TTC23L: variants seen among roughly 807,000 people sequenced by gnomAD.
TTC23L encodes the protein tetratricopeptide repeat protein 23-like.
TTC23L carries 42 observed loss-of-function variants against 48.1 expected under a neutral mutation model. The ratio of observed to expected loss-of-function variants is 0.87; its 90% CI spans 0.68 to 1.13. TTC23L has a LOEUF of 1.13. Among genes scored for constraint, TTC23L ranks in the 50% most tolerant of loss-of-function variants. The pLI is 0.00. For synonymous variants in TTC23L, 159 were observed against 157.2 expected (o/e 1.01, Z -0.09); for missense variants, 391 against 421.0 (o/e 0.93, Z 0.62).
chr5:34,854,702 C>G (rs900515860), intron 4 of TTC23L, among the ~76,000 whole-genome samples: 9 of 152,180 alleles, frequency 5.9e-5, no homozygotes, highest in Admixed American at 1.3e-4. Context: ...TGAGCCTTTT[C>G]CAGCAGCCAA....
chr5:34,873,548 G>A (rs1458222621), intron 8 of TTC23L, among the ~76,000 whole-genome samples: 1 of 152,104 alleles, frequency 6.6e-6, no homozygotes, highest in African/African-American at 2.4e-5. Flanking sequence ...TATGATGAAA[G>A]GGATAAAAAC....
intron 7 of TTC23L, 134 bp downstream of exon 7, chr5:34,867,203 C>T (rs777562328): frequency 2.6e-5 from 24 of 924,174 alleles, no homozygotes; most frequent in Middle Eastern, 5.9e-4. Context: ...GACTTTCCTC[C>T]AGATCCACCT....
At chr5:34,857,048 T>C (rs931907406) in intron 4 of TTC23L, among the ~76,000 whole-genome samples, 2 of 152,176 alleles carry the variant, frequency 1.3e-5, no homozygotes, top group African/African-American at 4.8e-5. Context: ...ATTGATGGAA[T>C]GGGATTCACA....
chr5:34,845,662 A>C, exon 3 of TTC23L: 1 of 1,603,500 alleles, frequency 6.2e-7, no homozygotes, highest in Non-Finnish European at 8.5e-7. Flanking sequence ...TCAGCTGATT[A>C]AGGAAAAAAT....
At chr5:34,889,177 A>G (rs905061927) in intron 9 of TTC23L, among the ~76,000 whole-genome samples, 2 of 152,222 alleles carry the variant, frequency 1.3e-5, no homozygotes, top group African/African-American at 4.8e-5. Context: ...TACCAAATTC[A>G]TAAAACTGAG....
intron 6 of TTC23L, among the ~76,000 whole-genome samples, chr5:34,866,672 C>T (rs80272108): frequency 0.015 from 2,277 of 152,196 alleles, 56 homozygotes; most frequent in African/African-American, 0.052. Flanking sequence ...GACAACAGCA[C>T]GACATAGTAA....
At chr5:34,922,772 A>G in the TTC23L span, 3 of 1,613,110 alleles carry the variant, frequency 1.9e-6, no homozygotes, top group East Asian at 6.7e-5. Flanking sequence ...TGACCCTGTA[A>G]GTTTCTCATT....
rs190407652 is a variant in TTC23L, at chr5:34,849,354, T to A, written c.256-831T>A. Among the ~76,000 whole-genome samples the A allele has an allele frequency of 3.4e-3, 521 of 152,222 alleles. 4 individuals are homozygous for A. Among genetic ancestry groups the A allele is most frequent in the Non-Finnish European group, 5.7e-3 (386 of 68,014 alleles). Reference sequence around the variant, plus strand: ...ATTCAAAGCTGAAATTAACCAAACTTCTAAACCCAACTACTAATATAAAGG... The same window carrying A: ...ATTCAAAGCTGAAATTAACCAAACTACTAAACCCAACTACTAATATAAAGG... On this transcript the variant is annotated intron_variant, in intron 3 of 10. Transcript: ENST00000505624.
intron 4 of TTC23L, among the ~76,000 whole-genome samples, chr5:34,860,208 C>T (rs561072664): frequency 7.3e-4 from 111 of 152,260 alleles, no homozygotes; most frequent in Middle Eastern, 3.4e-3. Flanking sequence ...CCCTAACCAT[C>T]CTGTATCCAC....
At chr5:34,915,724 G>A in the TTC23L span, 1 of 1,592,782 alleles carries the variant, frequency 6.3e-7, no homozygotes, top group Middle Eastern at 1.8e-4. Context: ...CCAAGAGCGC[G>A]GGCGGCGAGG....
Position 34,888,055 on chromosome 5 carries a change from C to T in TTC23L, c.1077+7747C>T, listed in dbSNP as rs999591353. Among the ~76,000 whole-genome samples the T allele has an allele frequency of 4.6e-5, 7 of 152,164 alleles. No individual in the cohort carries two copies. In the South Asian group the frequency reaches 1.4e-3, roughly 32 times the overall value. On this transcript the variant is annotated intron_variant, in intron 9 of 10. Transcript: ENST00000505624. ...TGGAGATGGGACCTTTAGAAGGTGA[C>T]TAGGACTCAAGGTGGAGCCTTCATG...
chr5:34,890,974 C>G (rs933009197), intron 9 of TTC23L, among the ~76,000 whole-genome samples: 1 of 152,212 alleles, frequency 6.6e-6, no homozygotes, highest in East Asian at 1.9e-4. Context: ...CTCCCTCAGC[C>G]TCTGTTTATT....
At chr5:34,918,732 T>G in the TTC23L span, 326 of 306,922 alleles carry the variant, frequency 1.1e-3, 1 homozygote, top group African/African-American at 6.8e-3. Flanking sequence ...CAGGAATGCC[T>G]TCACTGTAAT....
At chr5:34,899,103 G>T (rs1763406033) in intron 10 of TTC23L, among the ~76,000 whole-genome samples, 1 of 152,152 alleles carries the variant, frequency 6.6e-6, no homozygotes, top group Non-Finnish European at 1.5e-5. Flanking sequence ...CAATCCAGGT[G>T]GCTCAAATAT....
intron 9 of TTC23L, among the ~76,000 whole-genome samples, chr5:34,884,825 C>G (rs1428600103): frequency 6.6e-6 from 1 of 152,104 alleles, no homozygotes; most frequent in Non-Finnish European, 1.5e-5. Context: ...ACAGTAGTAG[C>G]CTTGAGATTC....
At chr5:34,901,621 G>A (rs529899953), downstream of TTC23L, among the ~76,000 whole-genome samples, 31 of 152,318 alleles carry the variant, frequency 2.0e-4, no homozygotes, top group African/African-American at 7.2e-4. Flanking sequence ...AATTAGCTGG[G>A]TGTGGTGGCG....
At position 34,846,576 on chromosome 5, in the gene TTC23L, A is replaced by AAAAT. The variant is rs1208315692; in HGVS notation, c.255+904_255+905insAATA. Among the ~76,000 whole-genome samples, 14 of 98,312 alleles carry AAAAT rather than the reference A, an allele frequency of 1.4e-4. 1 individual carries two copies. Among genetic ancestry groups the AAAAT allele is most frequent in the African/African-American group, 3.7e-4 (6 of 16,014 alleles). 64.5% of individuals were successfully genotyped at this position (98,312 alleles called of 152,430 possible). ...GACTCTGTCTCAAAAAAAAAAAAAA[A>AAAAT]ATATATATATATATATATATATATA... On this transcript the variant is annotated intron_variant, in intron 3 of 10. Transcript: ENST00000505624.
At chr5:34,890,466 G>C (rs1172939723) in intron 9 of TTC23L, among the ~76,000 whole-genome samples, 1 of 126,552 alleles carries the variant, frequency 7.9e-6, no homozygotes, top group African/African-American at 3.0e-5. Context: ...AAAAAAAAAA[G>C]GTTGGGTATT....
chr5:34,873,297 C>A (rs868574277), intron 8 of TTC23L, among the ~76,000 whole-genome samples: 19 of 152,138 alleles, frequency 1.2e-4, no homozygotes, highest in Middle Eastern at 3.2e-3. Flanking sequence ...CATGCAGTCA[C>A]ACAAACTGTA....
Sources: allele counts gnomAD v4.1 joint callset (sites outside exome capture counted in the v4.1 genomes callset), GRCh38; gene constraint gnomAD v4.1.1; transcripts MANE v1.5; gene names NCBI Gene and HGNC (gene_info 2026-07-23, HGNC 2026-07-21).